Variants in PLCH1 observed in about 807,000 individuals in gnomAD.
The protein encoded by PLCH1 is phospholipase C eta 1, also known as 1-phosphatidylinositol 4,5-bisphosphate phosphodiesterase eta-1.
A neutral mutation model predicts 126.7 loss-of-function variants in PLCH1; 60 were observed. The observed-to-expected ratio is 0.47, with a 90% CI of 0.38 to 0.59. PLCH1 has a LOEUF of 0.59. PLCH1 is among the 20% of genes least tolerant of loss of function. The pLI, the probability that PLCH1 is intolerant of heterozygous loss-of-function variation, is 0.00. For synonymous variants in PLCH1, 719 were observed against 734.9 expected (o/e 0.98, Z 0.35); for missense variants, 1,723 against 2,040.0 (o/e 0.84, Z 2.99).
At chr3:155,699,003 A>C (rs1240374521) in intron 2 of PLCH1, among the ~76,000 whole-genome samples, 2 of 145,806 alleles carry the variant, frequency 1.4e-5, no homozygotes, top group Non-Finnish European at 3.0e-5. Context: ...TTTTTTTTTA[A>C]CTCTTCCTCT....
chr3:155,563,565 G>A (rs986147698), intron 8 of PLCH1, among the ~76,000 whole-genome samples: 1 of 151,244 alleles, frequency 6.6e-6, no homozygotes, highest in African/African-American at 2.4e-5. Flanking sequence ...TGGATTCACT[G>A]TGATAGCCTT....
chr3:155,602,558 T>C (rs962953215), intron 2 of PLCH1, among the ~76,000 whole-genome samples: 1 of 152,200 alleles, frequency 6.6e-6, no homozygotes, highest in Non-Finnish European at 1.5e-5. Context: ...CACACAGACC[T>C]AGATTGCATA....
intron 12 of PLCH1, among the ~76,000 whole-genome samples, chr3:155,511,726 C>T (rs936530437): frequency 6.9e-5 from 10 of 144,284 alleles, no homozygotes; most frequent in East Asian, 2.1e-4. Context: ...TCTCCAGCTG[C>T]GTGCTGGGAG....
chr3:155,584,608 G>T (rs1037066230), intron 5 of PLCH1, among the ~76,000 whole-genome samples: 2 of 152,162 alleles, frequency 1.3e-5, no homozygotes, highest in Admixed American at 6.5e-5. Flanking sequence ...CATTCTAAGT[G>T]AACACAATTC....
rs558383219 is a variant in PLCH1 at position 155,712,003 on chromosome 3, C to T, written c.-40-7739G>A. ...TGCCACACCTGAAGCTAGATCTGTC[C>T]TTGCACCTTTTAATTAAATAAGCCA... On this transcript the variant is annotated intron_variant, in intron 1 of 22. Coordinates refer to ENST00000460012, the MANE Select transcript of PLCH1 (RefSeq NM_014996.4). Among the ~76,000 whole-genome samples, 272 of 152,304 alleles carry T rather than the reference C, an allele frequency of 1.8e-3. 1 individual carries two copies. The highest frequency in any genetic ancestry group is 6.4e-3 in the African/African-American group (264 of 41,556).
intron 6 of PLCH1, among the ~76,000 whole-genome samples, chr3:155,577,150 C>T (rs929467854): frequency 6.6e-6 from 1 of 152,102 alleles, no homozygotes; most frequent in Non-Finnish European, 1.5e-5. Context: ...GTCCCAACTA[C>T]TCAGGAGGCT....
rs532471569 is a variant in PLCH1, at chr3:155,590,451, G to T, written c.470+3490C>A. On this transcript the variant is annotated intron_variant, in intron 4 of 22. Coordinates refer to ENST00000460012, the MANE Select transcript of PLCH1 (RefSeq NM_014996.4). ...AAATTAGCCGGGCGTGGTGGCGGGCGCCTGTAGTCCCAGCTACTCGGGAGG... is the reference window on the plus strand; with the variant it reads ...AAATTAGCCGGGCGTGGTGGCGGGCTCCTGTAGTCCCAGCTACTCGGGAGG... Among the ~76,000 whole-genome samples, 16 of 150,616 alleles carry T rather than the reference G, an allele frequency of 1.1e-4. No individual in the cohort carries two copies. The East Asian group carries it at 3.1e-3, about 30-fold the overall frequency.
downstream of PLCH1, among the ~76,000 whole-genome samples, chr3:155,477,938 T>G (rs1331848954): frequency 6.6e-6 from 1 of 152,268 alleles, no homozygotes; most frequent in South Asian, 2.1e-4. Flanking sequence ...CAAAGAGATC[T>G]CTGCACTCCT....
intron 2 of PLCH1, among the ~76,000 whole-genome samples, chr3:155,652,435 G>A (rs1740817699): frequency 6.6e-6 from 1 of 152,198 alleles, no homozygotes; most frequent in Non-Finnish European, 1.5e-5. Context: ...CAATAGGTTA[G>A]AATCCCTGTT....
intron 10 of PLCH1, among the ~76,000 whole-genome samples, chr3:155,549,173 T>C (rs1191768716): frequency 6.6e-6 from 1 of 152,196 alleles, no homozygotes; most frequent in Non-Finnish European, 1.5e-5. Context: ...CTGGCTATTC[T>C]TTGCATGAAT....
At chr3:155,468,651 T>A (rs1298602872) in intron 21 of PLCH1, among the ~76,000 whole-genome samples, 2 of 151,984 alleles carry the variant, frequency 1.3e-5, no homozygotes, top group South Asian at 2.1e-4. Context: ...ACAAAGAAGG[T>A]CATTCCATAA....
At chr3:155,554,308 A>G (rs1726529270) in intron 8 of PLCH1, 112 bp from the exon 9 acceptor site, 20 of 995,696 alleles carry the variant, frequency 2.0e-5, no homozygotes, top group Non-Finnish European at 3.0e-5. Flanking sequence ...ACCCATTTCA[A>G]TCCTGACAAA....
chr3:155,742,245 C>T (rs1212463172), intron 1 of PLCH1: 2 of 152,110 alleles, frequency 1.3e-5, no homozygotes, highest in South Asian at 2.1e-4. Flanking sequence ...AAAAACATTT[C>T]GTTAAGAATT....
chr3:155,573,608 T>C (rs1729544795), intron 6 of PLCH1, among the ~76,000 whole-genome samples: 1 of 152,180 alleles, frequency 6.6e-6, no homozygotes, highest in East Asian at 1.9e-4. Flanking sequence ...TCACCTGGTT[T>C]CCTCACATGA....
Position 155,488,762 on chromosome 3 carries a change from T to C in PLCH1, c.2437A>G (p.Met813Val), listed in dbSNP as rs372709032. The change falls in exon 20 of 23, where the codon ATG becomes GTG. Residue 813 changes from methionine (M) to valine (V), a missense_variant. Physicochemically the swap from Met to Val is conservative, Grantham distance 21. Coordinates refer to ENST00000460012, the MANE Select transcript of PLCH1 (RefSeq NM_014996.4). Reference sequence around the variant, plus strand: ...AACCGAACCAAAGCTATTTCTGGCATGTGTACTGTAAATGTCAGTGTTTCT... The same window carrying C: ...AACCGAACCAAAGCTATTTCTGGCACGTGTACTGTAAATGTCAGTGTTTCT... ...WEETLTFTVH[M>V]PEIALVRFLV... 8 of 1,613,748 alleles carry C rather than the reference T, an allele frequency of 5.0e-6. No homozygotes were observed. The Middle Eastern group carries it at 6.6e-4, about 133-fold the overall frequency.
intron 11 of PLCH1, among the ~76,000 whole-genome samples, chr3:155,520,352 G>A (rs1456125043): frequency 6.6e-6 from 1 of 152,174 alleles, no homozygotes; most frequent in African/African-American, 2.4e-5. Context: ...AGTGTTTAGT[G>A]AGAGATATAC....
chr3:155,723,514 T>C (rs1032845397), intron 1 of PLCH1, among the ~76,000 whole-genome samples: 2 of 152,184 alleles, frequency 1.3e-5, no homozygotes, highest in African/African-American at 4.8e-5. Flanking sequence ...CCTTGAGGTG[T>C]GACCTTAGAT....
intron 2 of PLCH1, among the ~76,000 whole-genome samples, chr3:155,648,379 A>T (rs1344349156): frequency 6.6e-6 from 1 of 152,226 alleles, no homozygotes; most frequent in Non-Finnish European, 1.5e-5. Context: ...CTTTACGGAC[A>T]GATGGGACCA....
intron 2 of PLCH1, among the ~76,000 whole-genome samples, chr3:155,648,032 C>G (rs1337456252): frequency 3.3e-5 from 5 of 152,188 alleles, no homozygotes; most frequent in African/African-American, 1.2e-4. Flanking sequence ...TGAATTTGTA[C>G]AAGTTTTCCA....
Sources: gnomAD v4.1 joint callset for allele counts (sites outside exome capture counted in the v4.1 genomes callset) on GRCh38, gnomAD v4.1.1 for gene constraint, MANE v1.5 for transcripts, NCBI Gene and HGNC (gene_info 2026-07-23, HGNC 2026-07-21) for gene names.